Variants in TCERG1L observed in about 807,000 individuals in gnomAD.
The protein encoded by TCERG1L is transcription elongation regulator 1-like protein.
TCERG1L carries 37 observed loss-of-function variants against 56.3 expected under a neutral mutation model. That is an observed-to-expected ratio of 0.66 (90% CI 0.51 to 0.87). The LOEUF is 0.87. Ranked by LOEUF, TCERG1L falls within the 40% of genes least tolerant of loss-of-function variation. The pLI, the probability that TCERG1L is intolerant of heterozygous loss-of-function variation, is 0.00. For synonymous variants in TCERG1L, 324 were observed against 326.3 expected, an observed-to-expected ratio of 0.99 and a Z score of 0.08; for missense variants, 799 against 774.2, an observed-to-expected ratio of 1.03 and a Z score of -0.38.
At position 131,274,268 on chromosome 10, in the gene TCERG1L, G is replaced by A. The variant is rs147309558; in HGVS notation, c.671-13824C>T. On this transcript the variant is annotated intron_variant, in intron 3 of 11. Coordinates refer to ENST00000368642, the MANE Select transcript of TCERG1L (RefSeq NM_174937.4). ...CAAAATGAGATTTAGCAAGCAGAAC[G>A]CAGCCTTTGGGTGGCGGATGGTGCC... Among the ~76,000 whole-genome samples, 314 of 152,286 alleles carry A rather than the reference G, an allele frequency of 2.1e-3. 3 individuals are homozygous for A. Among genetic ancestry groups the A allele is most frequent in the African/African-American group, 6.8e-3 (284 of 41,576 alleles).
rs1312964258 is a variant in TCERG1L, at chr10:131,224,858, TTATACTC to T, written c.856+35394_856+35400del. Among the ~76,000 whole-genome samples the T allele has an allele frequency of 5.9e-5, 9 of 152,194 alleles. No individual in the cohort carries two copies. In the South Asian group the frequency reaches 8.3e-4, roughly 14 times the overall value. Reference sequence around the variant, plus strand: ...GATCTCATTTTGATGAAAACACACTTTATACTCTAATTAGCGTACCTGGACGTTAGGA... The same window carrying T: ...GATCTCATTTTGATGAAAACACACTTTAATTAGCGTACCTGGACGTTAGGA... On this transcript the variant is annotated intron_variant, in intron 4 of 11. Transcript: ENST00000368642.
chr10:131,307,454 G>A (rs74160886), intron 3 of TCERG1L, among the ~76,000 whole-genome samples: 1,589 of 152,244 alleles, frequency 0.01, 27 homozygotes, highest in African/African-American at 0.036. Context: ...TGGTAGGTAG[G>A]AAATTACAAG....
In TCERG1L at chr10:131,163,228, CAG is replaced by C; in HGVS notation, c.946-20_946-19del. The C allele has an allele frequency of 6.7e-7, 1 of 1,500,510 alleles. No homozygotes were observed. The highest frequency in any genetic ancestry group is 8.9e-7 in the Non-Finnish European group (1 of 1,126,872). The allele number at this position is 1,500,510 out of a possible 1,614,324, so 92.9% of individuals were successfully genotyped here. ...GGAGGCTCCTTTCAACAGAAAGAGACAGGGGAGTGGCTTTTAATTTTAAACAC... is the reference window on the plus strand; with the variant it reads ...GGAGGCTCCTTTCAACAGAAAGAGACGGGAGTGGCTTTTAATTTTAAACAC... On this transcript the variant is annotated intron_variant, in intron 5 of 11. Coordinates refer to ENST00000368642, the MANE Select transcript of TCERG1L (RefSeq NM_174937.4).
At chr10:131,217,412 C>T (rs974177945) in intron 4 of TCERG1L, among the ~76,000 whole-genome samples, 7 of 152,164 alleles carry the variant, frequency 4.6e-5, no homozygotes, top group Admixed American at 4.6e-4. Context: ...CCAATTAAAC[C>T]TCTTTTCTTT....
At chr10:131,183,358 T>C (rs937112662) in intron 4 of TCERG1L, among the ~76,000 whole-genome samples, 1 of 152,234 alleles carries the variant, frequency 6.6e-6, no homozygotes, top group African/African-American at 2.4e-5. Flanking sequence ...AGACCCTTTG[T>C]TGGGGAAATA....
chr10:131,249,089 A>T (rs1846075974), intron 4 of TCERG1L, among the ~76,000 whole-genome samples: 1 of 152,252 alleles, frequency 6.6e-6, no homozygotes. Flanking sequence ...GCCAGAACCC[A>T]GCCTGATGCT....
At chr10:131,251,782 A>G (rs879711841) in intron 4 of TCERG1L, among the ~76,000 whole-genome samples, 1 of 152,242 alleles carries the variant, frequency 6.6e-6, no homozygotes, top group Non-Finnish European at 1.5e-5. Flanking sequence ...TAAAATATAC[A>G]TAACATGAAA....
chr10:131,277,176 C>T (rs1005576122), intron 3 of TCERG1L, among the ~76,000 whole-genome samples: 5 of 145,148 alleles, frequency 3.4e-5, no homozygotes, highest in African/African-American at 7.4e-5. Flanking sequence ...CTTGGGAGGG[C>T]GGGGCCACAC....
At position 131,166,000 on chromosome 10, in the gene TCERG1L, A is replaced by G. The variant is rs1304390644; in HGVS notation, c.945+797T>C. Among the ~76,000 whole-genome samples the G allele has an allele frequency of 2.6e-5, 4 of 152,232 alleles. No individual in the cohort carries two copies. The East Asian group carries it at 5.8e-4, about 22-fold the overall frequency. On this transcript the variant is annotated intron_variant, in intron 5 of 11. Coordinates refer to ENST00000368642, the MANE Select transcript of TCERG1L (RefSeq NM_174937.4). ...TGGATGTTAATCTGGAAAAATTGGGAAAATCATATCTCAGGGGGCAAAAGT... is the reference window on the plus strand; with the variant it reads ...TGGATGTTAATCTGGAAAAATTGGGGAAATCATATCTCAGGGGGCAAAAGT...
At chr10:131,231,825 GA>G (rs1371414315) in intron 4 of TCERG1L, among the ~76,000 whole-genome samples, 4 of 152,198 alleles carry the variant, frequency 2.6e-5, no homozygotes, top group African/African-American at 9.6e-5. Flanking sequence ...TGCCTGTGGG[GA>G]CAAGGGGGGC....
intron 6 of TCERG1L, among the ~76,000 whole-genome samples, chr10:131,159,723 G>A (rs1016941547): frequency 3.9e-5 from 6 of 151,974 alleles, no homozygotes; most frequent in African/African-American, 9.7e-5. Context: ...TTTCCTAGAC[G>A]CAGGCTGCAG....
At chr10:131,290,235 G>T (rs1019258663) in intron 3 of TCERG1L, among the ~76,000 whole-genome samples, 8 of 152,168 alleles carry the variant, frequency 5.3e-5, no homozygotes, top group African/African-American at 1.9e-4. Flanking sequence ...GTGTGAGAGT[G>T]TATGTGTGCA....
intron 8 of TCERG1L, among the ~76,000 whole-genome samples, 182 bp from the exon 9 acceptor site, chr10:131,117,116 G>T (rs1205556210): frequency 6.6e-6 from 1 of 152,194 alleles, no homozygotes; most frequent in Non-Finnish European, 1.5e-5. Context: ...GCAGGCACGG[G>T]GCTTGGCTGT....
intron 4 of TCERG1L, among the ~76,000 whole-genome samples, chr10:131,174,757 T>C (rs1350069800): frequency 6.6e-6 from 1 of 152,266 alleles, no homozygotes; most frequent in Admixed American, 6.5e-5. Flanking sequence ...GGTTGTAAAA[T>C]GCTCAGACCA....
intron 9 of TCERG1L, among the ~76,000 whole-genome samples, chr10:131,108,531 T>C (rs760484230): frequency 6.6e-6 from 1 of 152,048 alleles, no homozygotes; most frequent in Non-Finnish European, 1.5e-5. Flanking sequence ...ATTTGCTGTG[T>C]GCGTGGGTGT....
chr10:131,114,494 A>T (rs1052872696), intron 9 of TCERG1L, among the ~76,000 whole-genome samples: 2 of 98,412 alleles, frequency 2.0e-5, no homozygotes, highest in Non-Finnish European at 5.1e-5. Flanking sequence ...CTCGGGGTAA[A>T]CACACAACCT....
At chr10:131,284,755 T>A (rs1332326766) in intron 3 of TCERG1L, among the ~76,000 whole-genome samples, 2 of 151,886 alleles carry the variant, frequency 1.3e-5, no homozygotes, top group African/African-American at 4.8e-5. Context: ...TACAGAACAA[T>A]CTCATACCAA....
intron 9 of TCERG1L, among the ~76,000 whole-genome samples, chr10:131,105,565 G>A (rs1445117446): frequency 1.3e-5 from 2 of 152,052 alleles, no homozygotes; most frequent in African/African-American, 4.8e-5. Context: ...ACTGGGAAAT[G>A]TTCTGGAGGC....
chr10:131,296,255 G>A (rs970481483), intron 3 of TCERG1L, among the ~76,000 whole-genome samples: 5 of 152,084 alleles, frequency 3.3e-5, no homozygotes, highest in East Asian at 1.9e-4. Context: ...TTCACGACTC[G>A]ATCAACCATC....
Sources: allele counts gnomAD v4.1 joint callset (sites outside exome capture counted in the v4.1 genomes callset), GRCh38; gene constraint gnomAD v4.1.1; transcripts MANE v1.5; gene names NCBI Gene and HGNC (gene_info 2026-07-23, HGNC 2026-07-21).